The following PKP4 variants were observed in gnomAD, a reference collection of about 807,000 sequenced individuals.
PKP4 encodes plakophilin-4.
Under a neutral mutation model 145.1 loss-of-function variants are expected in PKP4, and 90 were observed. That is an observed-to-expected ratio of 0.62 (90% CI 0.52 to 0.74). The LOEUF is 0.74. Ranked by LOEUF, PKP4 falls within the 30% of genes least tolerant of loss-of-function variation. The pLI is 0.00. For missense variants in PKP4, 1,340 were observed against 1,482.7 expected (o/e 0.90, Z 1.58); for synonymous variants, 563 against 577.2 (o/e 0.98, Z 0.35).
intron 2 of PKP4, among the ~76,000 whole-genome samples, chr2:158,566,435 A>G (rs1193458414): frequency 6.6e-6 from 1 of 151,832 alleles, no homozygotes; most frequent in Non-Finnish European, 1.5e-5. Flanking sequence ...CCAAATAAGC[A>G]TCTAACATTA....
At chr2:158,496,002 A>G (rs1478038419) in intron 1 of PKP4, among the ~76,000 whole-genome samples, 2 of 151,634 alleles carry the variant, frequency 1.3e-5, no homozygotes, top group Non-Finnish European at 2.9e-5. Flanking sequence ...TTTATTTGAG[A>G]TGGAGTCTCA....
intron 3 of PKP4, among the ~76,000 whole-genome samples, chr2:158,584,657 A>T (rs2048643733): frequency 6.6e-6 from 1 of 150,994 alleles, no homozygotes; most frequent in Non-Finnish European, 1.5e-5. Flanking sequence ...CCCTGTCTCT[A>T]CAAAAAATTT....
intron 2 of PKP4, among the ~76,000 whole-genome samples, chr2:158,547,572 T>C (rs2045186949): frequency 6.6e-6 from 1 of 152,226 alleles, no homozygotes; most frequent in Admixed American, 6.5e-5. Context: ...CAAAATATTC[T>C]GAATCTAATT....
At chr2:158,494,410 T>C (rs1695383585) in intron 1 of PKP4, among the ~76,000 whole-genome samples, 1 of 152,154 alleles carries the variant, frequency 6.6e-6, no homozygotes, top group East Asian at 1.9e-4. Context: ...TATGAATAAA[T>C]AAAATGTGTT....
intron 1 of PKP4, among the ~76,000 whole-genome samples, chr2:158,459,216 A>G (rs903746492): frequency 1.4e-4 from 21 of 152,228 alleles, no homozygotes; most frequent in Non-Finnish European, 2.6e-4. Context: ...CAACATGAAA[A>G]CGAGAACAAC....
chr2:158,468,275 T>C (rs1305588683), intron 1 of PKP4, among the ~76,000 whole-genome samples: 1 of 152,190 alleles, frequency 6.6e-6, no homozygotes, highest in East Asian at 1.9e-4. Flanking sequence ...TAAGGTAGAT[T>C]TATAGCTTTG....
chr2:158,636,694 A>AT (rs2053839939), intron 9 of PKP4, among the ~76,000 whole-genome samples: 1 of 152,034 alleles, frequency 6.6e-6, no homozygotes, highest in Non-Finnish European at 1.5e-5. Flanking sequence ...ATCTGTCTTC[A>AT]TTTTTTAAAT....
At position 158,580,380 on chromosome 2, in the gene PKP4, G is replaced by A. The variant is rs562368184; in HGVS notation, c.245+2997G>A. 3.3e-5 allele frequency among the ~76,000 whole-genome samples: 5 copies of A among 152,276 alleles called. No individual in the cohort carries two copies. The South Asian group carries it at 8.3e-4, about 25-fold the overall frequency. ...GAATGAATGGGTCATGCAGAAATGGGAGTGGGGTTGACCAGGGAAAGGAGG... is the reference window on the plus strand; with the variant it reads ...GAATGAATGGGTCATGCAGAAATGGAAGTGGGGTTGACCAGGGAAAGGAGG... On this transcript the variant is annotated intron_variant, in intron 3 of 21. Coordinates refer to ENST00000389759, the MANE Select transcript of PKP4 (RefSeq NM_003628.6).
chr2:158,593,063 G>T (rs759686540), intron 3 of PKP4, among the ~76,000 whole-genome samples: 37 of 152,110 alleles, frequency 2.4e-4, no homozygotes, highest in Non-Finnish European at 4.0e-4. Context: ...GCAGAAAATA[G>T]TATGTTTATA....
chr2:158,480,573 T>G (rs1465224467), intron 1 of PKP4, among the ~76,000 whole-genome samples: 2 of 151,766 alleles, frequency 1.3e-5, no homozygotes, highest in Non-Finnish European at 2.9e-5. Context: ...TTGTTTCTAC[T>G]TACAGAAAAA....
rs538022760 is a variant in PKP4 at position 158,496,748 on chromosome 2, C to T, written c.-5-36432C>T. 4.8e-4 allele frequency among the ~76,000 whole-genome samples: 65 copies of T among 136,056 alleles called. 1 individual carries two copies. The highest frequency in any genetic ancestry group is 6.8e-4 in the Admixed American group (9 of 13,316). The allele number at this position is 136,056 out of a possible 152,430, so 89.3% of individuals were successfully genotyped here. On this transcript the variant is annotated intron_variant, in intron 1 of 21. Transcript: ENST00000389759. Reference sequence around the variant, plus strand: ...TCTCTTTCGCTCTCACTCTCTCTCGCCTTCTCTCTCCGTGTGTGTGTGTGT... The same window carrying T: ...TCTCTTTCGCTCTCACTCTCTCTCGTCTTCTCTCTCCGTGTGTGTGTGTGT...
chr2:158,658,855 C>T (rs1456486513), intron 12 of PKP4: 1 of 152,582 alleles, frequency 6.6e-6, no homozygotes, highest in Non-Finnish European at 1.5e-5. Context: ...CTCATCAGCT[C>T]CATTTTGACC....
At position 158,634,300 on chromosome 2, in the gene PKP4, G is replaced by A. The variant is rs2053633762; in HGVS notation, c.1562+11G>A. ...TCAGAAGGACCCCAGGCGAGTACCAGTTAGGAGTCTCTAGAAGGCTACAGT... is the reference window on the plus strand; with the variant it reads ...TCAGAAGGACCCCAGGCGAGTACCAATTAGGAGTCTCTAGAAGGCTACAGT... On this transcript the variant is annotated intron_variant, in intron 9 of 21. Coordinates refer to ENST00000389759, the MANE Select transcript of PKP4 (RefSeq NM_003628.6). 1.2e-6 allele frequency: 2 copies of A among 1,609,052 alleles called. No individual in the cohort carries two copies. The highest frequency in any genetic ancestry group is 1.7e-4 in the Middle Eastern group (1 of 6,054).
chr2:158,669,739 C>T lies in PKP4; in HGVS notation c.2748C>T (p.Asp916=), dbSNP rs900001733. Residue 916 remains aspartate (D), a synonymous_variant, in exon 17 of 22, where the codon GAC becomes GAT. Coordinates refer to ENST00000389759, the MANE Select transcript of PKP4 (RefSeq NM_003628.6). ...KELIGKYAMR[D]LVNRLPGGNG... ...TGGCAGGCAAATACGCCATGCGAGA[C>T]CTGGTCAACCGGCTCCCCGGCGGCA... 6.3e-7 allele frequency: 1 copy of T among 1,596,114 alleles called. No homozygotes were observed. Among genetic ancestry groups the T allele is most frequent in the Non-Finnish European group, 8.6e-7 (1 of 1,168,096 alleles).
At chr2:158,503,938 T>C (rs1696943326) in intron 1 of PKP4, among the ~76,000 whole-genome samples, 1 of 150,796 alleles carries the variant, frequency 6.6e-6, no homozygotes, top group Admixed American at 6.6e-5. Context: ...TTGAGACTAC[T>C]GTTTTAGGAT....
intron 1 of PKP4, among the ~76,000 whole-genome samples, chr2:158,491,672 A>G (rs144879335): frequency 1.2e-3 from 179 of 152,256 alleles, no homozygotes; most frequent in Non-Finnish European, 2.0e-3. Flanking sequence ...AAATCATTAA[A>G]TGTGCTATCA....
At chr2:158,629,493 T>C (rs2053148496) in intron 7 of PKP4, among the ~76,000 whole-genome samples, 1 of 152,206 alleles carries the variant, frequency 6.6e-6, no homozygotes, top group Non-Finnish European at 1.5e-5. Flanking sequence ...GTCTTCGTTA[T>C]AGCAAGAGGG....
At chr2:158,548,266 C>T (rs2045267493) in intron 2 of PKP4, among the ~76,000 whole-genome samples, 2 of 152,138 alleles carry the variant, frequency 1.3e-5, no homozygotes, top group South Asian at 4.1e-4. Context: ...AACAGTTATA[C>T]TCATATTTAT....
intron 1 of PKP4, among the ~76,000 whole-genome samples, chr2:158,507,484 CTCTT>C (rs1158973665): frequency 6.6e-6 from 1 of 152,204 alleles, no homozygotes; most frequent in Non-Finnish European, 1.5e-5. Flanking sequence ...TTCTAGCTAA[CTCTT>C]TCTAATGTGT....
Sources: gnomAD v4.1 joint callset for allele counts (sites outside exome capture counted in the v4.1 genomes callset) on GRCh38, gnomAD v4.1.1 for gene constraint, MANE v1.5 for transcripts, NCBI Gene and HGNC (gene_info 2026-07-23, HGNC 2026-07-21) for gene names.